The following NME7 variants were observed in gnomAD, a reference collection of about 807,000 sequenced individuals.
NME7 encodes NME/NM23 family member 7, also known as nucleoside diphosphate kinase 7.
Under a neutral mutation model 49.1 loss-of-function variants are expected in NME7, and 41 were observed. The ratio of observed to expected loss-of-function variants is 0.83; its 90% CI spans 0.65 to 1.08. NME7 has a LOEUF of 1.08. Among genes scored for constraint, NME7 ranks in the 50% least tolerant of loss-of-function variants. The pLI, the probability that NME7 is intolerant of heterozygous loss-of-function variation, is 0.00. For synonymous variants in NME7, 139 were observed against 150.6 expected, an observed-to-expected ratio of 0.92 and a Z score of 0.56; for missense variants, 423 against 463.4, an observed-to-expected ratio of 0.91 and a Z score of 0.80.
chr1:169,351,603 A>AT (rs1653174298), intron 1 of NME7, among the ~76,000 whole-genome samples: 1 of 151,952 alleles, frequency 6.6e-6, no homozygotes. Flanking sequence ...TGAATTTGAA[A>AT]TGAAAAAAAA....
At chr1:169,200,306 A>G (rs113694452) in intron 10 of NME7, among the ~76,000 whole-genome samples, 1 of 152,112 alleles carries the variant, frequency 6.6e-6, no homozygotes. Flanking sequence ...TTCCAAGAAG[A>G]TATCTTCCCT....
chr1:169,283,947 G>A (rs1357911833), intron 7 of NME7: 1 of 152,096 alleles, frequency 6.6e-6, no homozygotes, highest in Non-Finnish European at 1.5e-5. Flanking sequence ...TTCTCGAGGA[G>A]CATCTTTGTG....
rs558753165 is a variant in NME7 at position 169,276,415 on chromosome 1, G to A, written c.754+10888C>T. Among the ~76,000 whole-genome samples, 138 of 133,298 alleles carry A rather than the reference G, an allele frequency of 1.0e-3. 9 individuals carry two copies. Among genetic ancestry groups the A allele is most frequent in the African/African-American group, 3.4e-3 (135 of 39,444 alleles). The allele number at this position is 133,298 out of a possible 152,430, so 87.4% of individuals were successfully genotyped here. Reference sequence around the variant, plus strand: ...TCGACTTCTTCCTCGTTTAGTCTTGGGAGAGTGTATGTGTCGAGGAATTTA... The same window carrying A: ...TCGACTTCTTCCTCGTTTAGTCTTGAGAGAGTGTATGTGTCGAGGAATTTA... On this transcript the variant is annotated intron_variant, in intron 7 of 11. Transcript: ENST00000367811.
rs1649029415 is a variant in NME7, at chr1:169,258,122, G to C, written c.755-20435C>G. Among the ~76,000 whole-genome samples, 2 of 130,904 alleles carry C rather than the reference G, an allele frequency of 1.5e-5. 1 individual carries two copies. Among genetic ancestry groups the C allele is most frequent in the Non-Finnish European group, 3.6e-5 (2 of 56,046 alleles). The allele number at this position is 130,904 out of a possible 152,430, so 85.9% of individuals were successfully genotyped here. A position where few individuals can be genotyped will look rare whatever the true frequency, so the allele number is the denominator to read the frequency against. ...AGGGGCCAAGTCAGGAGGACTCCTT[G>C]AGTCCAGGAGTTTGTGGCCAGCCTG... On this transcript the variant is annotated intron_variant, in intron 7 of 11. Transcript: ENST00000367811.
chr1:169,154,239 C>T (rs893708240), intron 11 of NME7, among the ~76,000 whole-genome samples: 5 of 152,160 alleles, frequency 3.3e-5, no homozygotes, highest in African/African-American at 9.6e-5. Context: ...TCTCAAACTC[C>T]TGGGCTCAAG....
chr1:169,342,529 C>T (rs71523143), intron 1 of NME7, among the ~76,000 whole-genome samples: 8,264 of 52,034 alleles, frequency 0.16, 1,605 homozygotes, highest in East Asian at 0.68. Context: ...TATATATATA[C>T]AAGTACATAT....
intron 11 of NME7, among the ~76,000 whole-genome samples, chr1:169,152,055 T>C (rs1658929551): frequency 6.6e-6 from 1 of 152,226 alleles, no homozygotes; most frequent in Admixed American, 6.5e-5. Flanking sequence ...AAGTAAGTTC[T>C]GACAGTGAAA....
intron 1 of NME7, among the ~76,000 whole-genome samples, chr1:169,358,311 T>A (rs1442351035): frequency 2.0e-5 from 3 of 152,064 alleles, no homozygotes; most frequent in African/African-American, 7.2e-5. Flanking sequence ...TTTAAGGTAA[T>A]CTAAACAGAA....
chr1:169,208,281 T>C (rs1322002464), intron 10 of NME7, among the ~76,000 whole-genome samples: 1 of 152,200 alleles, frequency 6.6e-6, no homozygotes, highest in Non-Finnish European at 1.5e-5. Flanking sequence ...AGGTGTCTTG[T>C]TCATGTTTTC....
intron 7 of NME7, among the ~76,000 whole-genome samples, chr1:169,262,756 A>G (rs1186388650): frequency 1.5e-5 from 2 of 133,604 alleles, no homozygotes; most frequent in African/African-American, 5.1e-5. Context: ...GAAGGAGAGA[A>G]TCAACCTGGC....
chr1:169,249,134 T>C (rs755839975), intron 7 of NME7, among the ~76,000 whole-genome samples: 6 of 152,134 alleles, frequency 3.9e-5, no homozygotes, highest in Non-Finnish European at 7.4e-5. Context: ...TGTGTTTCCA[T>C]TTGTTTGTGT....
At chr1:169,281,338 T>G (rs1164074570) in intron 7 of NME7, among the ~76,000 whole-genome samples, 2 of 151,638 alleles carry the variant, frequency 1.3e-5, no homozygotes, top group East Asian at 3.8e-4. Context: ...CTTATCAGCA[T>G]AAGGAGGTTT....
At chr1:169,219,463 T>A (rs1661074486) in intron 10 of NME7, among the ~76,000 whole-genome samples, 1 of 152,180 alleles carries the variant, frequency 6.6e-6, no homozygotes, top group Non-Finnish European at 1.5e-5. Flanking sequence ...TGCGCAGATT[T>A]TGGTGTCTGA....
At chr1:169,284,662 C>T (rs1175780089) in intron 7 of NME7, 1 of 152,046 alleles carries the variant, frequency 6.6e-6, no homozygotes, top group African/African-American at 2.4e-5. Context: ...GTTGCCCATG[C>T]CTATGTCCTG....
intron 11 of NME7, among the ~76,000 whole-genome samples, chr1:169,145,667 C>A (rs1482729207): frequency 6.6e-6 from 1 of 152,152 alleles, no homozygotes; most frequent in African/African-American, 2.4e-5. Flanking sequence ...GTAGACTATT[C>A]TGTAAGATGA....
At chr1:169,334,572 T>C (rs991319749) in intron 1 of NME7, among the ~76,000 whole-genome samples, 1 of 152,086 alleles carries the variant, frequency 6.6e-6, no homozygotes, top group East Asian at 1.9e-4. Flanking sequence ...TCAAGATGGA[T>C]TAAAGACTTA....
chr1:169,202,936 TGA>T (rs1268346082), intron 10 of NME7, among the ~76,000 whole-genome samples: 1 of 151,284 alleles, frequency 6.6e-6, no homozygotes, highest in Non-Finnish European at 1.5e-5. Context: ...TGTGTCCCAT[TGA>T]GAGAAGAGAA....
chr1:169,272,997 C>T lies in NME7; in HGVS notation c.754+14306G>A, dbSNP rs375168478. ...TTTCAATGATCACCATTCGAACTGGCGTGAGATGGTATCTCATTGTGGTTT... is the reference window on the plus strand; with the variant it reads ...TTTCAATGATCACCATTCGAACTGGTGTGAGATGGTATCTCATTGTGGTTT... On this transcript the variant is annotated intron_variant, in intron 7 of 11. Transcript: ENST00000367811. Among the ~76,000 whole-genome samples, 2 of 133,442 alleles carry T rather than the reference C, an allele frequency of 1.5e-5. 1 individual carries two copies. The highest frequency in any genetic ancestry group is 3.5e-5 in the Non-Finnish European group (2 of 56,796). 87.5% of individuals were successfully genotyped at this position (133,442 alleles called of 152,430 possible).
chr1:169,232,655 G>A (rs959671433), intron 9 of NME7, among the ~76,000 whole-genome samples: 1 of 151,612 alleles, frequency 6.6e-6, no homozygotes, highest in Non-Finnish European at 1.5e-5. Context: ...TCTATACCCA[G>A]GTGGGAAAAT....
Sources: allele counts gnomAD v4.1 joint callset (sites outside exome capture counted in the v4.1 genomes callset), GRCh38; gene constraint gnomAD v4.1.1; transcripts MANE v1.5; gene names NCBI Gene and HGNC (gene_info 2026-07-23, HGNC 2026-07-21).